Variants in TMEM108 observed in about 807,000 individuals in gnomAD.
TMEM108 encodes transmembrane protein 108.
Under a neutral mutation model 35.1 loss-of-function variants are expected in TMEM108, and 12 were observed. That is an observed-to-expected ratio of 0.34 (90% CI 0.22 to 0.55). The LOEUF (loss-of-function observed/expected upper bound fraction) is 0.55. TMEM108 is among the 20% of genes least tolerant of loss of function. TMEM108 has a pLI of 0.89. For synonymous variants in TMEM108, 287 were observed against 308.6 expected, an observed-to-expected ratio of 0.93 and a Z score of 0.73; for missense variants, 680 against 753.3, an observed-to-expected ratio of 0.90 and a Z score of 1.14.
chr3:133,308,989 C>T (rs534649847), intron 3 of TMEM108, among the ~76,000 whole-genome samples: 12 of 152,232 alleles, frequency 7.9e-5, no homozygotes, highest in African/African-American at 2.9e-4. Flanking sequence ...TCCATCTGGT[C>T]CTGGACTGTT....
intron 3 of TMEM108, among the ~76,000 whole-genome samples, chr3:133,356,512 C>T (rs2072175064): frequency 6.6e-6 from 1 of 152,084 alleles, no homozygotes; most frequent in Non-Finnish European, 1.5e-5. Flanking sequence ...CCCACATAAT[C>T]AAAGCAATAC....
chr3:133,084,035 G>A (rs1291806679), intron 2 of TMEM108, among the ~76,000 whole-genome samples: 1 of 151,948 alleles, frequency 6.6e-6, no homozygotes, highest in Non-Finnish European at 1.5e-5. Flanking sequence ...TTGCTTTTCA[G>A]CTAGGAAGTT....
At chr3:133,104,771 A>G (rs1317382636) in intron 2 of TMEM108, among the ~76,000 whole-genome samples, 2 of 152,194 alleles carry the variant, frequency 1.3e-5, no homozygotes, top group Non-Finnish European at 2.9e-5. Flanking sequence ...CAGGAGAGCC[A>G]AGAACCTGTA....
In TMEM108 at chr3:133,235,415, G is replaced by C. The variant is rs570436417; in HGVS notation, c.40+6064G>C. Among the ~76,000 whole-genome samples the C allele has an allele frequency of 3.4e-4, 51 of 152,220 alleles. No individual in the cohort carries two copies. The South Asian group carries it at 0.011, about 32-fold the overall frequency. On this transcript the variant is annotated intron_variant, in intron 3 of 5. Coordinates refer to ENST00000321871, the MANE Select transcript of TMEM108 (RefSeq NM_023943.4). ...AGTACCAAAACAGAGATATAGATCA[G>C]TGGAACAGAAGAGAGCCCTCAGAAA...
rs1215123354 is a variant in TMEM108, at chr3:133,225,105, C to T, written c.-46-4161C>T. ...TGCCGCCTAGGCTGGAGTGCAATGG[C>T]GTGCAATCTTGGCTCACTGCAATCT... is the stretch of plus-strand genomic sequence containing the variant. On this transcript the variant is annotated intron_variant, in intron 2 of 5. Coordinates refer to ENST00000321871, the MANE Select transcript of TMEM108 (RefSeq NM_023943.4). Among the ~76,000 whole-genome samples, 11 of 145,346 alleles carry T rather than the reference C, an allele frequency of 7.6e-5. No homozygotes were observed. In the East Asian group the frequency reaches 2.0e-3, roughly 27 times the overall value.
At chr3:133,074,325 A>G (rs969049684) in intron 2 of TMEM108, 1 of 152,256 alleles carries the variant, frequency 6.6e-6, no homozygotes, top group African/African-American at 2.4e-5. Context: ...ATGCTTTTCA[A>G]CTTATGGTGG....
chr3:133,151,915 G>C (rs948245759), intron 2 of TMEM108, among the ~76,000 whole-genome samples: 1 of 152,188 alleles, frequency 6.6e-6, no homozygotes, highest in Non-Finnish European at 1.5e-5. Flanking sequence ...GAATAGAAGA[G>C]AGCCGAGTAA....
intron 2 of TMEM108, among the ~76,000 whole-genome samples, chr3:133,138,499 T>C (rs1321921944): frequency 1.3e-5 from 2 of 152,168 alleles, no homozygotes; most frequent in African/African-American, 4.8e-5. Context: ...GAGATTTTTT[T>C]GTGTGTGATT....
chr3:133,317,340 A>G (rs1304288016), intron 3 of TMEM108, among the ~76,000 whole-genome samples: 1 of 152,202 alleles, frequency 6.6e-6, no homozygotes, highest in East Asian at 1.9e-4. Flanking sequence ...CTGAGCTTTT[A>G]CCACCTTTAC....
intron 3 of TMEM108, among the ~76,000 whole-genome samples, chr3:133,323,553 A>G (rs970783007): frequency 3.9e-5 from 6 of 152,220 alleles, no homozygotes; most frequent in Admixed American, 1.3e-4. Context: ...AACACACCTC[A>G]TGCTCATGGA....
chr3:133,123,033 C>T lies in TMEM108; in HGVS notation c.-47+77013C>T, dbSNP rs534154455. ...AATGTTCTATTTGTATACAAGCACA[C>T]ATACACGTATACATAAATACCTATA... On this transcript the variant is annotated intron_variant, in intron 2 of 5. Transcript: ENST00000321871. Among the ~76,000 whole-genome samples, 170 of 152,272 alleles carry T rather than the reference C, an allele frequency of 1.1e-3. 1 individual carries two copies. The South Asian group carries it at 0.021, about 19-fold the overall frequency.
chr3:133,208,643 T>G (rs569140435), intron 2 of TMEM108, among the ~76,000 whole-genome samples: 1 of 152,222 alleles, frequency 6.6e-6, no homozygotes, highest in Admixed American at 6.5e-5. Context: ...TATTCTCCCC[T>G]CCTCTAGAAG....
chr3:133,224,324 A>G (rs966527916), intron 2 of TMEM108, among the ~76,000 whole-genome samples: 2 of 152,084 alleles, frequency 1.3e-5, no homozygotes, highest in Admixed American at 6.6e-5. Context: ...TGCCCCTGTC[A>G]AGCATCACTA....
intron 3 of TMEM108, among the ~76,000 whole-genome samples, chr3:133,351,953 C>A (rs963661044): frequency 2.0e-5 from 3 of 152,116 alleles, no homozygotes; most frequent in African/African-American, 7.2e-5. Context: ...CCCGTTGACT[C>A]CATTGAGAAG....
intron 5 of TMEM108, among the ~76,000 whole-genome samples, chr3:133,392,774 C>T (rs1040566343): frequency 6.6e-6 from 1 of 152,170 alleles, no homozygotes; most frequent in Admixed American, 6.5e-5. Context: ...TCCCTAAGGA[C>T]CAGCACCTCT....
At chr3:133,378,525 A>G in intron 3 of TMEM108, 1 of 985,490 alleles carries the variant, frequency 1.0e-6, no homozygotes, top group Non-Finnish European at 1.2e-6. Context: ...GATGACAAAG[A>G]AGGGGATCCA....
intron 2 of TMEM108, among the ~76,000 whole-genome samples, chr3:133,220,727 A>G (rs1202593871): frequency 6.6e-6 from 1 of 152,142 alleles, no homozygotes; most frequent in Non-Finnish European, 1.5e-5. Flanking sequence ...GACAGTAGCT[A>G]CCTGGAGGTA....
At chr3:133,304,459 C>T (rs1947273573) in intron 3 of TMEM108, among the ~76,000 whole-genome samples, 1 of 140,044 alleles carries the variant, frequency 7.1e-6, no homozygotes, top group African/African-American at 2.6e-5. Context: ...TCATACATTT[C>T]TGTCACCCCA....
intron 2 of TMEM108, among the ~76,000 whole-genome samples, chr3:133,161,767 G>T (rs1395598443): frequency 6.6e-6 from 1 of 150,896 alleles, no homozygotes; most frequent in Non-Finnish European, 1.5e-5. Context: ...TTGAAATCTT[G>T]TCTCGCCATT....
Sources: gnomAD v4.1 joint callset for allele counts (sites outside exome capture counted in the v4.1 genomes callset) on GRCh38, gnomAD v4.1.1 for gene constraint, MANE v1.5 for transcripts, NCBI Gene and HGNC (gene_info 2026-07-23, HGNC 2026-07-21) for gene names.